NOVA2: variants seen among roughly 807,000 people sequenced by gnomAD.
The protein encoded by NOVA2 is RNA-binding protein Nova-2.
In NOVA2, 9 loss-of-function variants were observed where a neutral mutation model predicts 22.5. The ratio of observed to expected loss-of-function variants is 0.40; its 90% CI spans 0.24 to 0.70. NOVA2 has a LOEUF of 0.70. Among genes scored for constraint, NOVA2 ranks in the 30% least tolerant of loss-of-function variants. The probability of loss-of-function intolerance (pLI) is 0.38; values close to 1 mark genes in which losing one functional copy is unlikely to be tolerated. For missense variants in NOVA2, 383 were observed against 682.8 expected, an observed-to-expected ratio of 0.56 and a Z score of 4.89; for synonymous variants, 318 against 335.2, an observed-to-expected ratio of 0.95 and a Z score of 0.56.
At chr19:45,946,003 T>TAA (rs35902840) in intron 3 of NOVA2, among the ~76,000 whole-genome samples, 1,036 of 97,752 alleles carry the variant, frequency 0.011, 33 homozygotes, top group African/African-American at 0.035. Flanking sequence ...AGACTCCATC[T>TAA]AAAAAAAAAA....
At chr19:45,944,441 AAAAACAAAAC>A (rs1379098286) in intron 3 of NOVA2, among the ~76,000 whole-genome samples, 1 of 152,152 alleles carries the variant, frequency 6.6e-6, no homozygotes, top group Non-Finnish European at 1.5e-5. Context: ...ACCCTGTTTC[AAAAACAAAAC>A]AAAACAAAAA....
chr19:45,964,507 G>A lies in NOVA2; in HGVS notation c.86-3354C>T, dbSNP rs560801786. On this transcript the variant is annotated intron_variant, in intron 1 of 3. Transcript: ENST00000263257. Reference sequence around the variant, plus strand: ...AGGAAGCCTATTTTCAATGTCTCACGTAAAACCTCAACATACAGAACAGAT... The same window carrying A: ...AGGAAGCCTATTTTCAATGTCTCACATAAAACCTCAACATACAGAACAGAT... Among the ~76,000 whole-genome samples, 4 of 149,726 alleles carry A rather than the reference G, an allele frequency of 2.7e-5. No homozygotes were observed. The South Asian group carries it at 6.4e-4, about 24-fold the overall frequency.
chr19:45,949,577 C>T (rs918026526), intron 3 of NOVA2, among the ~76,000 whole-genome samples: 1 of 152,132 alleles, frequency 6.6e-6, no homozygotes, highest in African/African-American at 2.4e-5. Context: ...AGTCCCTTTA[C>T]TTCTCAGAGC....
At chr19:45,951,638 GA>G (rs55888140) in intron 3 of NOVA2, among the ~76,000 whole-genome samples, 7 of 112,724 alleles carry the variant, frequency 6.2e-5, no homozygotes, top group Non-Finnish European at 1.2e-4. Context: ...AAAAAGAAAA[GA>G]AAAAAAAATT....
chr19:45,968,091 T>G (rs1968189246), intron 1 of NOVA2, among the ~76,000 whole-genome samples: 1 of 150,448 alleles, frequency 6.6e-6, no homozygotes, highest in South Asian at 2.1e-4. Context: ...ATCTTGGGGG[T>G]CATGAATGAC....
At chr19:45,964,679 G>A (rs1251253042) in intron 1 of NOVA2, among the ~76,000 whole-genome samples, 1 of 151,210 alleles carries the variant, frequency 6.6e-6, no homozygotes, top group Non-Finnish European at 1.5e-5. Context: ...TCCTGCCTCG[G>A]CCTCCCAAGT....
chr19:45,964,711 C>A (rs1417541417), intron 1 of NOVA2, among the ~76,000 whole-genome samples: 1 of 152,002 alleles, frequency 6.6e-6, no homozygotes, highest in African/African-American at 2.4e-5. Flanking sequence ...CAGGCACATG[C>A]CACCACTCCT....
At chr19:45,967,857 C>T (rs1207455352) in intron 1 of NOVA2, 1 of 151,924 alleles carries the variant, frequency 6.6e-6, no homozygotes, top group Non-Finnish European at 1.5e-5. Flanking sequence ...GCAGGAGAAT[C>T]ACTTGAACCT....
At chr19:45,959,727 T>C (rs111841518) in intron 2 of NOVA2, among the ~76,000 whole-genome samples, 94 of 128,132 alleles carry the variant, frequency 7.3e-4, no homozygotes, top group African/African-American at 2.7e-3. Flanking sequence ...GGAGAGAAGA[T>C]AGAGCAGAGA....
chr19:45,972,284 C>A (rs1195407263), intron 1 of NOVA2, among the ~76,000 whole-genome samples: 2 of 152,092 alleles, frequency 1.3e-5, no homozygotes. Flanking sequence ...CTGTTGCACA[C>A]CTCCATGTGT....
chr19:45,937,464 G>A lies in NOVA2; in HGVS notation c.*2399C>T, dbSNP rs565454082. ...ATTCCAGCTAGATACTGTAATACTC[G>A]CGTGCGGGTAGAGATACTGTGAAAT... On this transcript the variant is annotated 3_prime_UTR_variant, in exon 4 of 4. Transcript: ENST00000263257. 3.9e-5 allele frequency: 6 copies of A among 152,290 alleles called. No individual in the cohort carries two copies. The highest frequency in any genetic ancestry group is 6.5e-5 in the Admixed American group (1 of 15,286). 9.4% of individuals were successfully genotyped at this position (152,290 alleles called of 1,614,324 possible).
chr19:45,953,733 G>A, intron 3 of NOVA2, 47 bp downstream of exon 3: 1 of 1,608,766 alleles, frequency 6.2e-7, no homozygotes, highest in Non-Finnish European at 8.5e-7. Flanking sequence ...ATGTTTCTTT[G>A]TGAATGTCAA....
intron 3 of NOVA2, among the ~76,000 whole-genome samples, chr19:45,943,453 C>A (rs1465615148): frequency 3.3e-5 from 5 of 151,694 alleles, no homozygotes; most frequent in Non-Finnish European, 7.4e-5. Context: ...GTGGCTCACG[C>A]CTGTAATCCC....
At chr19:45,959,101 A>AT (rs535804844) in intron 2 of NOVA2, among the ~76,000 whole-genome samples, 1 of 152,274 alleles carries the variant, frequency 6.6e-6, no homozygotes, top group African/African-American at 2.4e-5. Context: ...GTGCTCAGAG[A>AT]ATGTGTGTTG....
intron 2 of NOVA2, among the ~76,000 whole-genome samples, chr19:45,958,252 C>T (rs551903862): frequency 6.6e-6 from 1 of 152,036 alleles, no homozygotes; most frequent in East Asian, 1.9e-4. Context: ...GAATCTAGGG[C>T]TTTGGGATCC....
At position 45,939,595 on chromosome 19, in the gene NOVA2, A is replaced by C; in HGVS notation, c.*268T>G. ...ATATCACACAGACCTGGGCCCTGGG[A>C]CAGGAAGGGTCAGGCCCAGCCAAGC... On this transcript the variant is annotated 3_prime_UTR_variant, in exon 4 of 4. Transcript: ENST00000263257. 3 of 482,876 alleles carry C rather than the reference A, an allele frequency of 6.2e-6. No individual in the cohort carries two copies. The highest frequency in any genetic ancestry group is 1.1e-5 in the Non-Finnish European group (3 of 268,524). The allele number at this position is 482,876 out of a possible 1,614,324, so 29.9% of individuals were successfully genotyped here.
At chr19:45,971,171 T>G (rs186509658) in intron 1 of NOVA2, among the ~76,000 whole-genome samples, 2 of 152,306 alleles carry the variant, frequency 1.3e-5, no homozygotes, top group Middle Eastern at 3.4e-3. Flanking sequence ...TTAACCCATG[T>G]CTCAGAGTAG....
At chr19:45,971,362 G>A (rs1458959838) in intron 1 of NOVA2, among the ~76,000 whole-genome samples, 3 of 152,038 alleles carry the variant, frequency 2.0e-5, no homozygotes, top group Non-Finnish European at 4.4e-5. Context: ...GACCTCCTGG[G>A]TCCCTGACCT....
At position 45,953,851 on chromosome 19, in the gene NOVA2, C is replaced by T. The variant is rs760366807; in HGVS notation, c.325G>A (p.Ala109Thr). The part of the protein sequence containing the change: ...IAEKVREIPQ[A>T]MTKPEVVNIL... The stretch of plus-strand genomic sequence containing the variant: ...TTGACCACCTCAGGCTTGGTCATCG[C>T]TTGTGGGATTTCTCGGACCTTCTCG... Residue 109 changes from alanine (A) to threonine (T), a missense_variant, in exon 3 of 4, where the codon GCG becomes ACG. This residue lies in a region of NOVA2 where 349 missense variants were observed against 578.1 expected (regional missense o/e 0.60). Coordinates refer to ENST00000263257, the MANE Select transcript of NOVA2 (RefSeq NM_002516.4). The T allele has an allele frequency of 6.2e-7, 1 of 1,614,204 alleles. No homozygotes were observed.
Sources: allele counts gnomAD v4.1 joint callset (sites outside exome capture counted in the v4.1 genomes callset), GRCh38; gene constraint gnomAD v4.1.1; regional missense constraint gnomAD v4.1.1; transcripts MANE v1.5; gene names NCBI Gene and HGNC (gene_info 2026-07-23, HGNC 2026-07-21).